Variants in SLC7A8 observed in about 807,000 individuals in gnomAD.
SLC7A8 encodes large neutral amino acids transporter small subunit 2.
Under a neutral mutation model 51.2 loss-of-function variants are expected in SLC7A8, and 30 were observed. The ratio of observed to expected loss-of-function variants is 0.59; its 90% confidence interval spans 0.44 to 0.80. The LOEUF (loss-of-function observed/expected upper bound fraction) is 0.80. SLC7A8 is among the 30% of genes least tolerant of loss of function. The probability of loss-of-function intolerance (pLI) is 0.00; values close to 1 mark genes in which losing one functional copy is unlikely to be tolerated. For missense variants in SLC7A8, 612 were observed against 674.4 expected, an observed-to-expected ratio of 0.91 and a Z score of 1.03; for synonymous variants, 257 against 275.8, an observed-to-expected ratio of 0.93 and a Z score of 0.67.
At chr14:23,132,318 C>A (rs28544495) in intron 7 of SLC7A8, among the ~76,000 whole-genome samples, 2,163 of 152,068 alleles carry the variant, frequency 0.014, 58 homozygotes, top group African/African-American at 0.05. Flanking sequence ...CACTCTTGTC[C>A]TAGTCAGAGA....
chr14:23,144,845 G>A (rs1042962549), intron 3 of SLC7A8, among the ~76,000 whole-genome samples: 15 of 152,022 alleles, frequency 9.9e-5, no homozygotes, highest in East Asian at 1.9e-4. Context: ...TTTTGTAGAC[G>A]AGGAACAAAG....
Position 23,129,852 on chromosome 14 carries a change from T to A in SLC7A8, c.1114-53A>T. ...GATCCGAAAGATATTCAGAGACTGG[T>A]ATTACAGATTAGGGGCTGTCCCCCA... is the stretch of plus-strand genomic sequence containing the variant. On this transcript the variant is annotated intron_variant, in intron 8 of 10. Transcript: ENST00000316902. 4 of 1,598,340 alleles carry A rather than the reference T, an allele frequency of 2.5e-6. No homozygotes were observed. The South Asian group carries it at 4.5e-5, about 18-fold the overall frequency.
chr14:23,129,930 T>C, intron 8 of SLC7A8, 131 bp from the exon 9 acceptor site: 1 of 964,910 alleles, frequency 1.0e-6, no homozygotes, highest in Non-Finnish European at 1.6e-6. Context: ...ATGGAGACTT[T>C]AGAACCTCCC....
At chr14:23,148,979 A>C (rs1199502094) in intron 3 of SLC7A8, among the ~76,000 whole-genome samples, 1 of 152,230 alleles carries the variant, frequency 6.6e-6, no homozygotes, top group Non-Finnish European at 1.5e-5. Flanking sequence ...AAAAGCTTTT[A>C]AACAGCAGCC....
chr14:23,138,182 C>A (rs527596067), intron 6 of SLC7A8, 158 bp from the exon 7 acceptor site: 33 of 835,632 alleles, frequency 3.9e-5, no homozygotes, highest in Middle Eastern at 4.9e-4. Flanking sequence ...AGGGTGGACC[C>A]CTACACAGGG....
Position 23,149,282 on chromosome 14 carries a change from C to T in SLC7A8, c.509-6078G>A, listed in dbSNP as rs1366388389. The stretch of plus-strand genomic sequence containing the variant: ...AACTCTAGCAGTGTTTTTCCTCTTT[C>T]CTTTTAGAGAAATCCAGGGCAAAAG... On this transcript the variant is annotated intron_variant, in intron 3 of 10. Coordinates refer to ENST00000316902, the MANE Select transcript of SLC7A8 (RefSeq NM_012244.4). Among the ~76,000 whole-genome samples, 7 of 152,196 alleles carry T rather than the reference C, an allele frequency of 4.6e-5. No homozygotes were observed. In the South Asian group the frequency reaches 1.0e-3, roughly 23 times the overall value.
At chr14:23,141,424 T>G (rs992179403) in intron 4 of SLC7A8, among the ~76,000 whole-genome samples, 7 of 152,256 alleles carry the variant, frequency 4.6e-5, no homozygotes, top group African/African-American at 1.7e-4. Context: ...TCCTATCTCT[T>G]TCTGAGGTGT....
intron 3 of SLC7A8, among the ~76,000 whole-genome samples, chr14:23,153,273 G>A (rs1041203091): frequency 4.6e-5 from 7 of 152,122 alleles, no homozygotes; most frequent in African/African-American, 9.7e-5. Context: ...CCACCATGGC[G>A]GCCCCAGAAC....
chr14:23,137,790 C>T, intron 7 of SLC7A8, 131 bp downstream of exon 7: 1 of 1,137,604 alleles, frequency 8.8e-7, no homozygotes. Context: ...TGTGAGCAGT[C>T]ACCCCTCTGC....
intron 7 of SLC7A8, among the ~76,000 whole-genome samples, chr14:23,133,885 A>G (rs1182498439): frequency 2.0e-5 from 3 of 152,242 alleles, no homozygotes; most frequent in Admixed American, 6.5e-5. Flanking sequence ...TGATTACATG[A>G]GAATATGCTC....
chr14:23,168,664 A>C (rs1479251352), intron 1 of SLC7A8, among the ~76,000 whole-genome samples: 1 of 152,218 alleles, frequency 6.6e-6, no homozygotes, highest in Non-Finnish European at 1.5e-5. Flanking sequence ...TCTTAGAGCC[A>C]AGAATGGCTG....
At chr14:23,155,026 C>T in intron 3 of SLC7A8, 1 of 372,894 alleles carries the variant, frequency 2.7e-6, no homozygotes, top group Non-Finnish European at 4.5e-6. Context: ...AAAATCAAAG[C>T]AGCCCTTCCT....
intron 3 of SLC7A8, among the ~76,000 whole-genome samples, chr14:23,160,570 T>TA (rs11405198): frequency 0.79 from 99,899 of 127,132 alleles, 40,717 homozygotes; most frequent in Non-Finnish European, 0.9. Flanking sequence ...GACTCCGTCT[T>TA]AAAAAAAAAA....
intron 3 of SLC7A8, chr14:23,155,546 A>G: frequency 3.2e-6 from 4 of 1,243,172 alleles, no homozygotes; most frequent in Non-Finnish European, 4.1e-6. Flanking sequence ...TGAGCTAAAC[A>G]TGGCTCCTCA....
chr14:23,166,577 A>C (rs992277826), intron 1 of SLC7A8, 37 bp from the exon 2 acceptor site: 39 of 1,610,024 alleles, frequency 2.4e-5, no homozygotes, highest in Admixed American at 6.7e-5. Context: ...GGGAGACAGT[A>C]GAGACAGGAC....
intron 7 of SLC7A8, among the ~76,000 whole-genome samples, chr14:23,132,132 A>G (rs1268336221): frequency 6.6e-6 from 1 of 150,594 alleles, no homozygotes; most frequent in Admixed American, 6.6e-5. Context: ...GCCTCCCGAG[A>G]AGGTGGGATT....
chr14:23,140,488 C>G lies in SLC7A8; in HGVS notation c.771G>C (p.Glu257Asp). ...CAACTCACTTGTAGGGATCAACAAG[C>G]TCCTCAGTCACGTAATTCAGAAAGT... ...GWNFLNYVTE[E>D]LVDPYKNLPR... The change falls in exon 5 of 11, where the codon GAG (glutamate) becomes GAC (aspartate). Residue 257 changes from glutamate (E) to aspartate (D), a missense_variant. By Grantham distance (45) the Glu-to-Asp change is conservative. Coordinates refer to ENST00000316902, the MANE Select transcript of SLC7A8 (RefSeq NM_012244.4). The G allele has an allele frequency of 6.2e-7, 1 of 1,612,756 alleles. No individual in the cohort carries two copies. Among genetic ancestry groups the G allele is most frequent in the Non-Finnish European group, 8.5e-7 (1 of 1,178,888 alleles).
intron 3 of SLC7A8, chr14:23,146,837 C>T (rs550659756): frequency 1.3e-5 from 2 of 152,342 alleles, no homozygotes; most frequent in African/African-American, 4.8e-5. Flanking sequence ...CAGGCTGAAA[C>T]CTGAGCCTCC....
Position 23,182,645 on chromosome 14 carries a change from G to A in SLC7A8, c.151+119C>T, listed in dbSNP as rs372952149. 1.7e-3 allele frequency: 1,959 copies of A among 1,167,166 alleles called. 57 individuals carry two copies. In the South Asian group the frequency reaches 0.034, roughly 20 times the overall value. 72.3% of individuals were successfully genotyped at this position (1,167,166 alleles called of 1,614,324 possible). On this transcript the variant is annotated intron_variant, in intron 1 of 10. Coordinates refer to ENST00000316902, the MANE Select transcript of SLC7A8 (RefSeq NM_012244.4). ...CCAGTGGAGGTGAGTTACAGCTCAG[G>A]TGACTGACAATCCTTTTCTAAGGAA... is the stretch of plus-strand genomic sequence containing the variant.
Sources: allele counts gnomAD v4.1 joint callset (sites outside exome capture counted in the v4.1 genomes callset), GRCh38; gene constraint gnomAD v4.1.1; transcripts MANE v1.5; gene names NCBI Gene and HGNC (gene_info 2026-07-23, HGNC 2026-07-21).